The following NRG1 variants were observed in gnomAD, a reference collection of about 807,000 sequenced individuals.
NRG1 encodes the protein neuregulin 1, also known as pro-neuregulin-1, membrane-bound isoform.
Under a neutral mutation model 63.8 loss-of-function variants are expected in NRG1, and 18 were observed. That is an observed-to-expected ratio of 0.28 (90% CI 0.19 to 0.42). The LOEUF (loss-of-function observed/expected upper bound fraction) is 0.42. Ranked by LOEUF, NRG1 falls within the 10% of genes least tolerant of loss-of-function variation. The probability of loss-of-function intolerance (pLI) is 1.00; values close to 1 mark genes in which losing one functional copy is unlikely to be tolerated. For synonymous variants in NRG1, 302 were observed against 301.3 expected, an observed-to-expected ratio of 1.00 and a Z score of -0.02; for missense variants, 762 against 814.7, an observed-to-expected ratio of 0.94 and a Z score of 0.79.
At chr8:32,616,395 C>T (rs1411349515) in intron 4 of NRG1, among the ~76,000 whole-genome samples, 1 of 152,106 alleles carries the variant, frequency 6.6e-6, no homozygotes, top group Non-Finnish European at 1.5e-5. Context: ...GAAATACTCT[C>T]AATCTTGTTT....
chr8:32,167,418 G>A (rs1003298924), intron 1 of NRG1, among the ~76,000 whole-genome samples: 4 of 152,102 alleles, frequency 2.6e-5, no homozygotes, highest in Non-Finnish European at 1.5e-5. Flanking sequence ...TTGAACATAC[G>A]GGGTTGATGA....
chr8:32,132,479 A>G (rs1195656777), intron 1 of NRG1, among the ~76,000 whole-genome samples: 1 of 152,112 alleles, frequency 6.6e-6, no homozygotes, highest in Non-Finnish European at 1.5e-5. Flanking sequence ...AGCCCAGGCA[A>G]GAGGCAGAGG....
Position 32,323,805 on chromosome 8 carries a change from G to T in NRG1, c.38-272023G>T, listed in dbSNP as rs115911179. Reference sequence around the variant, plus strand: ...AAGGGTTGGTTTTGTGAGCAGATGGGTGGCAGACAATAGCTTTTGTAGAGA... The same window carrying T: ...AAGGGTTGGTTTTGTGAGCAGATGGTTGGCAGACAATAGCTTTTGTAGAGA... On this transcript the variant is annotated intron_variant, in intron 1 of 10. Coordinates refer to the NRG1 transcript ENST00000519301. Among the ~76,000 whole-genome samples, 1,109 of 152,314 alleles carry T rather than the reference G, an allele frequency of 7.3e-3. 18 individuals are homozygous for T. Among genetic ancestry groups the T allele is most frequent in the African/African-American group, 0.026 (1,061 of 41,564 alleles).
chr8:32,734,101 T>C (rs985074819), intron 6 of NRG1, among the ~76,000 whole-genome samples: 2 of 152,156 alleles, frequency 1.3e-5, no homozygotes, highest in African/African-American at 4.8e-5. Flanking sequence ...AGTGGCACCA[T>C]AGACATAGCA....
rs555422741 is a variant in NRG1 at position 32,008,720 on chromosome 8, A to C, written c.37+369289A>C. ...TATGATACTAATTATCCTTAGGATAAATTGGAAAGGGGAACCCTCTGCTAG... is the reference window on the plus strand; with the variant it reads ...TATGATACTAATTATCCTTAGGATACATTGGAAAGGGGAACCCTCTGCTAG... On this transcript the variant is annotated intron_variant, in intron 1 of 10. Transcript: ENST00000519301. Among the ~76,000 whole-genome samples the C allele has an allele frequency of 2.0e-4, 30 of 152,168 alleles. No homozygotes were observed. The East Asian group carries it at 5.4e-3, about 28-fold the overall frequency.
At chr8:32,098,384 C>T (rs144269020) in intron 1 of NRG1, among the ~76,000 whole-genome samples, 149 of 152,224 alleles carry the variant, frequency 9.8e-4, no homozygotes, top group Non-Finnish European at 1.3e-3. Context: ...TTTGGATTCT[C>T]CTGTTAGATA....
chr8:31,911,875 A>G (rs867570531), intron 1 of NRG1, among the ~76,000 whole-genome samples: 9 of 152,336 alleles, frequency 5.9e-5, no homozygotes, highest in Middle Eastern at 6.8e-3. Flanking sequence ...AGAGTTCAGT[A>G]ATGGATCTGT....
At chr8:32,608,092 G>GTTTTTTTTTTTTTTTTTTTTTT (rs1226154193) in intron 3 of NRG1, among the ~76,000 whole-genome samples, 3 of 106,198 alleles carry the variant, frequency 2.8e-5, no homozygotes, top group Non-Finnish European at 4.0e-5. Context: ...GGTTTTTTTT[G>GTTTTTTTTTTTTTTTTTTTTTT]TTTTTTTTTT....
chr8:32,180,526 C>A (rs1173811085), intron 1 of NRG1, among the ~76,000 whole-genome samples: 1 of 152,082 alleles, frequency 6.6e-6, no homozygotes, highest in Non-Finnish European at 1.5e-5. Context: ...GATCTACTAA[C>A]AGGGCTAATA....
At chr8:32,416,669 T>G (rs1435606527) in intron 1 of NRG1, among the ~76,000 whole-genome samples, 1 of 150,648 alleles carries the variant, frequency 6.6e-6, no homozygotes, top group Non-Finnish European at 1.5e-5. Context: ...GTTTTGTCGT[T>G]GTTGTTTGTT....
intron 1 of NRG1, among the ~76,000 whole-genome samples, chr8:31,693,629 G>A (rs1255991559): frequency 6.6e-6 from 1 of 152,168 alleles, no homozygotes; most frequent in African/African-American, 2.4e-5. Context: ...TGCTTGGGCA[G>A]GGACGGCTTT....
intron 1 of NRG1, among the ~76,000 whole-genome samples, chr8:31,765,557 A>G (rs987758585): frequency 2.0e-5 from 3 of 152,126 alleles, no homozygotes; most frequent in African/African-American, 7.2e-5. Flanking sequence ...AATTTTGGCA[A>G]ATACTTTTTC....
At chr8:32,012,191 T>A (rs1424713150) in intron 1 of NRG1, among the ~76,000 whole-genome samples, 1 of 152,090 alleles carries the variant, frequency 6.6e-6, no homozygotes, top group Non-Finnish European at 1.5e-5. Flanking sequence ...ATTTTGGAGC[T>A]AAAACAGTTA....
intron 1 of NRG1, among the ~76,000 whole-genome samples, chr8:31,783,262 G>A (rs1819861386): frequency 6.6e-6 from 1 of 152,196 alleles, no homozygotes; most frequent in South Asian, 2.1e-4. Flanking sequence ...CGTAAAAGTA[G>A]TGACAAAACC....
At chr8:32,059,617 A>G (rs1184515970) in intron 1 of NRG1, among the ~76,000 whole-genome samples, 1 of 151,950 alleles carries the variant, frequency 6.6e-6, no homozygotes, top group African/African-American at 2.4e-5. Context: ...GCTCTGCTCC[A>G]TTGTTGTTGA....
At chr8:32,153,453 A>C (rs1837724123) in intron 1 of NRG1, among the ~76,000 whole-genome samples, 1 of 152,096 alleles carries the variant, frequency 6.6e-6, no homozygotes, top group South Asian at 2.1e-4. Flanking sequence ...AGTTCCTGCC[A>C]CCCTAGTCTA....
chr8:32,759,175 C>A (rs1830232387), intron 9 of NRG1, 131 bp from the exon 10 acceptor site: 2 of 1,057,300 alleles, frequency 1.9e-6, no homozygotes, highest in Non-Finnish European at 2.6e-6. Flanking sequence ...GAATTTATTA[C>A]AAATCAGCTG....
intron 1 of NRG1, among the ~76,000 whole-genome samples, chr8:31,647,354 A>C (rs1804386126): frequency 6.6e-6 from 1 of 152,188 alleles, no homozygotes; most frequent in Admixed American, 6.5e-5. Context: ...GTGGGGTGGC[A>C]TGTGCCCATT....
chr8:32,471,343 C>T (rs1052880279), intron 1 of NRG1, among the ~76,000 whole-genome samples: 1 of 152,190 alleles, frequency 6.6e-6, no homozygotes, highest in Non-Finnish European at 1.5e-5. Context: ...TTTCTAATCA[C>T]TTTTTCTTGG....
Sources: allele counts gnomAD v4.1 joint callset (sites outside exome capture counted in the v4.1 genomes callset), GRCh38; gene constraint gnomAD v4.1.1; transcripts MANE v1.5; gene names NCBI Gene and HGNC (gene_info 2026-07-23, HGNC 2026-07-21).